The following NME5 variants were observed in gnomAD, a reference collection of about 807,000 sequenced individuals.
The protein encoded by NME5 is nucleoside diphosphate kinase 5.
Under a neutral mutation model 21.6 loss-of-function variants are expected in NME5, and 18 were observed. The ratio of observed to expected loss-of-function variants is 0.83; its 90% CI spans 0.58 to 1.24. The LOEUF is 1.24. Among genes scored for constraint, NME5 ranks in the 50% most tolerant of loss-of-function variants. The pLI is 0.00. For synonymous variants in NME5, 70 were observed against 80.6 expected, an observed-to-expected ratio of 0.87 and a Z score of 0.71; for missense variants, 223 against 255.4, an observed-to-expected ratio of 0.87 and a Z score of 0.86.
At chr5:138,129,111 C>G (rs928388498) in intron 3 of NME5, 152 bp downstream of exon 3, 2 of 624,636 alleles carry the variant, frequency 3.2e-6, no homozygotes, top group Non-Finnish European at 5.6e-6. Flanking sequence ...AATGGACCCC[C>G]CAGGCCCTGC....
intron 4 of NME5, among the ~76,000 whole-genome samples, chr5:138,120,607 A>G (rs1751266687): frequency 6.6e-6 from 1 of 152,128 alleles, no homozygotes; most frequent in Non-Finnish European, 1.5e-5. Flanking sequence ...CAATTTATCA[A>G]TATTTTCTTT....
intron 4 of NME5, among the ~76,000 whole-genome samples, chr5:138,122,463 A>AAAAAAAAAAAAAAAAG (rs1196337031): frequency 1.3e-5 from 2 of 149,116 alleles, no homozygotes; most frequent in African/African-American, 2.5e-5. Flanking sequence ...AAAAAAAAAA[A>AAAAAAAAAAAAAAAAG]AAAAAATTGT....
At chr5:138,138,462 G>A in intron 2 of NME5, 190 bp downstream of exon 2, 1 of 506,448 alleles carries the variant, frequency 2.0e-6, no homozygotes, top group South Asian at 2.5e-5. Context: ...GACAGGTGAA[G>A]GAAAAGTCCA....
At position 138,129,398 on chromosome 5, in the gene NME5, A is replaced by G. The variant is rs1293624719; in HGVS notation, c.200T>C (p.Phe67Ser). Reference protein sequence around the residue: ...FYVEKYGKMFFPNLTAYMSSG... With the variant: ...FYVEKYGKMFSPNLTAYMSSG... ...ACTCATGTAAGCTGTTAAGTTGGGG[A>G]AAAACATTTTTCCATACTTTTCCAC... The change falls in exon 3 of 6, where the codon TTC becomes TCC. Residue 67 changes from phenylalanine (F) to serine (S), a missense_variant. By Grantham distance (155) the Phe-to-Ser change is radical. Coordinates refer to ENST00000265191, the MANE Select transcript of NME5 (RefSeq NM_003551.3). 3.0e-5 allele frequency: 49 copies of G among 1,613,956 alleles called. No individual in the cohort carries two copies. The highest frequency in any genetic ancestry group is 4.0e-5 in the Non-Finnish European group (47 of 1,179,976).
At chr5:138,126,510 CAAAAAAAA>C (rs57938582) in intron 4 of NME5, among the ~76,000 whole-genome samples, 2,812 of 54,290 alleles carry the variant, frequency 0.052, 45 homozygotes, top group Middle Eastern at 0.13. Context: ...GAATCTATCT[CAAAAAAAA>C]AAAAAAAAAA....
At position 138,128,538 on chromosome 5, in the gene NME5, A is replaced by G; in HGVS notation, c.377T>C (p.Leu126Pro). 1 of 1,613,028 alleles carries G rather than the reference A, an allele frequency of 6.2e-7. No individual in the cohort carries two copies. Among genetic ancestry groups the G allele is most frequent in the Non-Finnish European group, 8.5e-7 (1 of 1,179,718 alleles). The change falls in exon 4 of 6, where the codon CTT becomes CCT. Residue 126 changes from leucine (L) to proline (P), a missense_variant. By Grantham distance (98) the Leu-to-Pro change is moderately conservative. Transcript: ENST00000265191. ...IYGTDDLRNA[L>P]HGSNDFAAAE... ...AGCAGCAAAGTCATTACTCCCATGAAGTGCATTCCTTAGGTCATCTGTGCC... is the reference window on the plus strand; with the variant it reads ...AGCAGCAAAGTCATTACTCCCATGAGGTGCATTCCTTAGGTCATCTGTGCC...
chr5:138,118,912 C>T lies in NME5; in HGVS notation c.461G>A (p.Gly154Glu). Residue 154 changes from glycine to glutamate, a missense_variant, in exon 5 of 6, where the codon GGA becomes GAA. By Grantham distance (98) the Gly-to-Glu change is moderately conservative. Transcript: ENST00000265191. ...PEVIVEPIPI[G>E]QAAKDYLNLH... ...ATTTAAATAGTCCTTAGCAGCTTGTCCAATTGGAATGGGCTCAACAATCAC... is the reference window on the plus strand; with the variant it reads ...ATTTAAATAGTCCTTAGCAGCTTGTTCAATTGGAATGGGCTCAACAATCAC... 6.2e-7 allele frequency: 1 copy of T among 1,610,206 alleles called. No homozygotes were observed. The highest frequency in any genetic ancestry group is 8.5e-7 in the Non-Finnish European group (1 of 1,176,514).
intron 2 of NME5, among the ~76,000 whole-genome samples, chr5:138,131,133 G>A (rs1296652574): frequency 4.0e-5 from 6 of 148,920 alleles, no homozygotes; most frequent in South Asian, 2.1e-4. Flanking sequence ...TTGGGAGGCC[G>A]AGGTGGGTGG....
intron 1 of NME5, 25 bp downstream of exon 1, chr5:138,139,346 A>C: frequency 1.0e-6 from 1 of 985,832 alleles, no homozygotes; most frequent in Non-Finnish European, 1.2e-6. Context: ...GCAAATTCTG[A>C]ATTTGACCCT....
chr5:138,129,814 C>T (rs777790612), intron 2 of NME5, among the ~76,000 whole-genome samples: 4 of 152,044 alleles, frequency 2.6e-5, no homozygotes, highest in South Asian at 2.1e-4. Flanking sequence ...AAAAATTAGC[C>T]GGGCGGGCGG....
At chr5:138,123,126 T>C (rs1037856662) in intron 4 of NME5, 3 of 152,194 alleles carry the variant, frequency 2.0e-5, no homozygotes, top group African/African-American at 7.2e-5. Flanking sequence ...AATTTTTTAA[T>C]AGATAAGAAA....
chr5:138,127,610 A>G (rs1751453481), intron 4 of NME5: 1 of 984,840 alleles, frequency 1.0e-6, no homozygotes, highest in African/African-American at 1.7e-5. Flanking sequence ...AAAAATCACC[A>G]AATTTTATTT....
chr5:138,138,512 T>C (rs1386686414), intron 2 of NME5, 140 bp downstream of exon 2: 1 of 680,080 alleles, frequency 1.5e-6, no homozygotes, highest in African/African-American at 1.9e-5. Flanking sequence ...AACTATCACA[T>C]ATAACTTTTA....
At chr5:138,115,845 T>C in intron 5 of NME5, 81 bp from the exon 6 acceptor site, 1 of 874,634 alleles carries the variant, frequency 1.1e-6, no homozygotes, top group Non-Finnish European at 1.7e-6. Context: ...ATTGGAAACT[T>C]AAACAGTTTT....
rs1232848969 is a variant in NME5 at position 138,115,275 on chromosome 5, A to C, written c.*406T>G. ...TATCTGACACATGAGCATGAAACCA[A>C]ATCACCATGCTTATGGACTACAAAA... On this transcript the variant is annotated 3_prime_UTR_variant, in exon 6 of 6. Coordinates refer to ENST00000265191, the MANE Select transcript of NME5 (RefSeq NM_003551.3). 1 of 153,332 alleles carries C rather than the reference A, an allele frequency of 6.5e-6. No homozygotes were observed. Among genetic ancestry groups the C allele is most frequent in the Non-Finnish European group, 1.5e-5 (1 of 68,908 alleles). The allele number at this position is 153,332 out of a possible 1,614,324, so 9.5% of individuals were successfully genotyped here.
intron 2 of NME5, among the ~76,000 whole-genome samples, chr5:138,134,334 C>A (rs1004962328): frequency 1.3e-5 from 2 of 152,084 alleles, no homozygotes; most frequent in Admixed American, 6.5e-5. Context: ...ACCTCCGCCT[C>A]CCAGATTCAA....
intron 5 of NME5, among the ~76,000 whole-genome samples, chr5:138,117,631 CA>C (rs1751190262): frequency 6.6e-6 from 1 of 152,042 alleles, no homozygotes; most frequent in Admixed American, 6.6e-5. Flanking sequence ...TAGGGAAATG[CA>C]GATCAAAACC....
intron 4 of NME5, among the ~76,000 whole-genome samples, chr5:138,127,926 G>A (rs1236455097): frequency 6.6e-6 from 1 of 152,130 alleles, no homozygotes. Context: ...AAAGAAAAAA[G>A]AATTAAGCTG....
intron 2 of NME5, among the ~76,000 whole-genome samples, chr5:138,135,405 A>C (rs1324833361): frequency 2.0e-5 from 3 of 150,318 alleles, no homozygotes; most frequent in African/African-American, 7.3e-5. Context: ...CACGATCTTG[A>C]CTCACTGCAA....
Sources: gnomAD v4.1 joint callset for allele counts (sites outside exome capture counted in the v4.1 genomes callset) on GRCh38, gnomAD v4.1.1 for gene constraint, MANE v1.5 for transcripts, NCBI Gene and HGNC (gene_info 2026-07-23, HGNC 2026-07-21) for gene names.